Variants in GNAZ observed in about 807,000 individuals in gnomAD.
The protein encoded by GNAZ is G protein subunit alpha z.
GNAZ carries 3 observed loss-of-function variants against 25.4 expected under a neutral mutation model. The ratio of observed to expected loss-of-function variants is 0.12; its 90% CI spans 0.05 to 0.30. GNAZ has a LOEUF of 0.30. GNAZ is among the 10% of genes least tolerant of loss of function. The pLI is 1.00. For synonymous variants in GNAZ, 211 were observed against 205.7 expected (o/e 1.03, Z -0.22); for missense variants, 241 against 501.8 (o/e 0.48, Z 4.97).
intron 2 of GNAZ, among the ~76,000 whole-genome samples, chr22:23,108,231 C>T (rs559168240): frequency 1.3e-5 from 2 of 152,376 alleles, no homozygotes; most frequent in African/African-American, 4.8e-5. Flanking sequence ...TGCCATCCAC[C>T]CCGTGCTGGG....
chr22:23,091,810 C>T (rs1352856067), intron 1 of GNAZ, among the ~76,000 whole-genome samples: 1 of 152,244 alleles, frequency 6.6e-6, no homozygotes, highest in African/African-American at 2.4e-5. Context: ...AGACCAAGGG[C>T]TCAGTTGGAC....
intron 2 of GNAZ, among the ~76,000 whole-genome samples, chr22:23,107,871 G>A (rs146605665): frequency 9.5e-4 from 145 of 152,278 alleles, no homozygotes; most frequent in African/African-American, 3.1e-3. Context: ...CCCATTGACC[G>A]ACGAAGCCAC....
At position 23,123,563 on chromosome 22, in the gene GNAZ, G is replaced by A; in HGVS notation, c.*132G>A. The A allele has an allele frequency of 1.6e-6, 1 of 615,922 alleles. No homozygotes were observed. The highest frequency in any genetic ancestry group is 2.9e-6 in the Non-Finnish European group (1 of 348,036). 38.2% of individuals were successfully genotyped at this position (615,922 alleles called of 1,614,324 possible). ...GAATGTCCCCCACCCCTTGGCCTCTGCCTCCTTGGCCCCACATTTCTGCAA... is the reference window on the plus strand; with the variant it reads ...GAATGTCCCCCACCCCTTGGCCTCTACCTCCTTGGCCCCACATTTCTGCAA... On this transcript the variant is annotated 3_prime_UTR_variant, in exon 3 of 3. Transcript: ENST00000615612.
Position 23,123,550 on chromosome 22 carries a change from C to G in GNAZ, c.*119C>G. On this transcript the variant is annotated 3_prime_UTR_variant, in exon 3 of 3. Coordinates refer to ENST00000615612, the MANE Select transcript of GNAZ (RefSeq NM_002073.4). ...CAGGGGGCCTAAAGAATGTCCCCCACCCCTTGGCCTCTGCCTCCTTGGCCC... is the reference window on the plus strand; with the variant it reads ...CAGGGGGCCTAAAGAATGTCCCCCAGCCCTTGGCCTCTGCCTCCTTGGCCC... 1.6e-6 allele frequency: 1 copy of G among 641,744 alleles called. No individual in the cohort carries two copies. The highest frequency in any genetic ancestry group is 1.9e-5 in the South Asian group (1 of 51,838). The allele number at this position is 641,744 out of a possible 1,614,324, so 39.8% of individuals were successfully genotyped here. A position where few individuals can be genotyped will look rare whatever the true frequency, so the allele number is the denominator to read the frequency against.
intron 2 of GNAZ, among the ~76,000 whole-genome samples, chr22:23,100,854 T>G (rs986741536): frequency 1.1e-4 from 17 of 152,200 alleles, no homozygotes; most frequent in Non-Finnish European, 2.2e-4. Flanking sequence ...CAGGAGTGTA[T>G]GCAGTACCCT....
chr22:23,116,058 C>T (rs950583303), intron 2 of GNAZ, among the ~76,000 whole-genome samples: 4 of 152,242 alleles, frequency 2.6e-5, no homozygotes, highest in Non-Finnish European at 4.4e-5. Flanking sequence ...ACAAAACAGT[C>T]AAACAGGTGC....
chr22:23,083,245 G>GGGGTAGTAGGGGA (rs1020927306), intron 1 of GNAZ, among the ~76,000 whole-genome samples: 11 of 152,234 alleles, frequency 7.2e-5, no homozygotes, highest in Admixed American at 1.3e-4. Flanking sequence ...TGGGGTATTG[G>GGGGTAGTAGGGGA]GGGTAGTAGG....
intron 2 of GNAZ, among the ~76,000 whole-genome samples, chr22:23,109,721 G>A (rs1276247739): frequency 6.6e-6 from 1 of 152,222 alleles, no homozygotes; most frequent in African/African-American, 2.4e-5. Context: ...GGGGCAGCAG[G>A]GTTCAGTGTT....
At chr22:23,096,500 C>G in intron 2 of GNAZ, 82 bp downstream of exon 2, 1 of 1,395,792 alleles carries the variant, frequency 7.2e-7, no homozygotes. Flanking sequence ...AGGTCCAGGA[C>G]AGTCTGCAGC....
At chr22:23,109,454 G>A (rs568616706) in intron 2 of GNAZ, among the ~76,000 whole-genome samples, 27 of 152,318 alleles carry the variant, frequency 1.8e-4, no homozygotes, top group Admixed American at 3.9e-4. Flanking sequence ...GGGAGAAAGG[G>A]AGTCAGACAG....
chr22:23,114,093 C>T (rs763032148), intron 2 of GNAZ, among the ~76,000 whole-genome samples: 1 of 152,202 alleles, frequency 6.6e-6, no homozygotes, highest in Non-Finnish European at 1.5e-5. Flanking sequence ...TGCCTCGGCC[C>T]CTCAGTCAGG....
Position 23,096,258 on chromosome 22 carries a change from A to ACAAGTTCACCTT in GNAZ, c.568_579dup (p.Phe190_Lys193dup). ...GACATGACCACGGGCATTGTGGAGAACAAGTTCACCTTCAAGGAGCTCACC... is the reference window on the plus strand; with the variant it reads ...GACATGACCACGGGCATTGTGGAGAACAAGTTCACCTTCAAGTTCACCTTCAAGGAGCTCACC... On this transcript the variant is annotated inframe_insertion, in exon 2 of 3. Coordinates refer to ENST00000615612, the MANE Select transcript of GNAZ (RefSeq NM_002073.4). The ACAAGTTCACCTT allele has an allele frequency of 6.2e-7, 1 of 1,614,050 alleles. No homozygotes were observed. Among genetic ancestry groups the ACAAGTTCACCTT allele is most frequent in the Non-Finnish European group, 8.5e-7 (1 of 1,180,032 alleles).
chr22:23,097,140 GT>G (rs1409806638), intron 2 of GNAZ, among the ~76,000 whole-genome samples: 1 of 152,204 alleles, frequency 6.6e-6, no homozygotes, highest in Non-Finnish European at 1.5e-5. Flanking sequence ...CAGATTTCAA[GT>G]CTGCCCTTAA....
At chr22:23,117,218 G>A (rs960126800) in intron 2 of GNAZ, among the ~76,000 whole-genome samples, 8 of 148,462 alleles carry the variant, frequency 5.4e-5, no homozygotes, top group East Asian at 2.0e-4. Flanking sequence ...GGGACCGGCT[G>A]TAAGGAGACT....
chr22:23,093,333 C>T (rs887875566), intron 1 of GNAZ, among the ~76,000 whole-genome samples: 2 of 152,198 alleles, frequency 1.3e-5, no homozygotes, highest in Admixed American at 6.5e-5. Context: ...CTCAGCCTCT[C>T]CATTGATTCC....
intron 1 of GNAZ, among the ~76,000 whole-genome samples, chr22:23,078,692 T>A (rs2068580135): frequency 6.6e-6 from 1 of 152,186 alleles, no homozygotes; most frequent in Admixed American, 6.5e-5. Context: ...TTTGGGGGAT[T>A]ATCCCCATCA....
At chr22:23,072,998 C>T (rs558065609) in intron 1 of GNAZ, among the ~76,000 whole-genome samples, 3 of 152,336 alleles carry the variant, frequency 2.0e-5, no homozygotes, top group African/African-American at 4.8e-5. Context: ...GACAGGAATG[C>T]TGAATATAGC....
At chr22:23,113,287 C>T (rs2146369087) in intron 2 of GNAZ, among the ~76,000 whole-genome samples, 1 of 152,336 alleles carries the variant, frequency 6.6e-6, no homozygotes, top group African/African-American at 2.4e-5. Flanking sequence ...TCCTTCTCTC[C>T]CACAGATCTT....
chr22:23,104,257 C>T (rs1485021141), intron 2 of GNAZ, among the ~76,000 whole-genome samples: 1 of 152,194 alleles, frequency 6.6e-6, no homozygotes, highest in Admixed American at 6.5e-5. Context: ...GTCGCAGGCA[C>T]AGTGTCCAGT....
Sources: allele counts gnomAD v4.1 joint callset (sites outside exome capture counted in the v4.1 genomes callset), GRCh38; gene constraint gnomAD v4.1.1; transcripts MANE v1.5; gene names NCBI Gene and HGNC (gene_info 2026-07-23, HGNC 2026-07-21).